Variants in GBF1 observed in about 807,000 individuals in gnomAD.
GBF1 encodes the protein golgi brefeldin A resistant guanine nucleotide exchange factor 1, also known as Golgi-specific brefeldin A-resistance guanine nucleotide exchange factor 1.
In GBF1, 114 loss-of-function variants were observed where a neutral mutation model predicts 210.5. That is an observed-to-expected ratio of 0.54 (90% CI 0.47 to 0.63). The LOEUF (loss-of-function observed/expected upper bound fraction) is 0.63, where lower values mean the gene tolerates loss of function less well. Among genes scored for constraint, GBF1 ranks in the 30% least tolerant of loss-of-function variants. The pLI is 0.00. For synonymous variants in GBF1, 850 were observed against 889.2 expected (o/e 0.96, Z 0.78); for missense variants, 1,851 against 2,357.7 (o/e 0.79, Z 4.45).
rs145564022 is a variant in GBF1 at position 102,368,323 on chromosome 10, G to C, written c.2748G>C (p.Leu916=). 67 of 1,613,780 alleles carry C rather than the reference G, an allele frequency of 4.2e-5. No individual in the cohort carries two copies. The highest frequency in any genetic ancestry group is 5.5e-5 in the Non-Finnish European group (65 of 1,179,730). Residue 916 remains leucine, a synonymous_variant, in exon 22 of 40, where the codon CTG becomes CTC. Transcript: ENST00000369983. Reference sequence around the variant, plus strand: ...GTGCCACCCCTGAGGGCATATTCCTGCGTGTGCCTACTGCCAGCTATGATC... The same window carrying C: ...GTGCCACCCCTGAGGGCATATTCCTCCGTGTGCCTACTGCCAGCTATGATC... ...HRGATPEGIF[L]RVPTASYDLD... is the part of the protein sequence containing the mutation.
chr10:102,374,409 G>T (rs780235687), intron 29 of GBF1, among the ~76,000 whole-genome samples: 10 of 151,990 alleles, frequency 6.6e-5, no homozygotes, highest in Non-Finnish European at 1.0e-4. Context: ...GGAAGGAGGA[G>T]GTGGGTGTGG....
At chr10:102,246,815 A>G (rs1436600613) in intron 1 of GBF1, among the ~76,000 whole-genome samples, 1 of 152,080 alleles carries the variant, frequency 6.6e-6, no homozygotes, top group Admixed American at 6.5e-5. Context: ...TTTTTAATGC[A>G]CAATGTGGAA....
upstream of GBF1, among the ~76,000 whole-genome samples, chr10:102,244,530 A>G (rs563711423): frequency 6.6e-6 from 1 of 152,332 alleles, no homozygotes; most frequent in Admixed American, 6.5e-5. Context: ...GGGGCAAGAC[A>G]GTGAAAACAG....
At chr10:102,326,519 T>C (rs2056914816) in intron 3 of GBF1, among the ~76,000 whole-genome samples, 1 of 151,962 alleles carries the variant, frequency 6.6e-6, no homozygotes, top group Admixed American at 6.6e-5. Flanking sequence ...CTGGCTTTCC[T>C]TTTTTTTCAA....
intron 24 of GBF1, 85 bp downstream of exon 24, chr10:102,369,472 G>C: frequency 8.6e-7 from 1 of 1,156,944 alleles, no homozygotes. Context: ...GTAAGTGGTT[G>C]AGAGTAATGT....
chr10:102,380,981 C>T (rs996503306), intron 38 of GBF1, 146 bp from the exon 39 acceptor site: 3 of 730,078 alleles, frequency 4.1e-6, no homozygotes, highest in South Asian at 1.8e-5. Context: ...AGTGACAGAA[C>T]GAGATTCCAT....
chr10:102,280,475 G>A (rs1385598168), intron 3 of GBF1, among the ~76,000 whole-genome samples: 1 of 152,122 alleles, frequency 6.6e-6, no homozygotes, highest in Admixed American at 6.5e-5. Flanking sequence ...TAGTGGGTTG[G>A]GTAGGAAGAG....
chr10:102,258,364 C>T (rs910930659), intron 1 of GBF1, among the ~76,000 whole-genome samples: 1 of 149,208 alleles, frequency 6.7e-6, no homozygotes, highest in African/African-American at 2.4e-5. Context: ...CCATGTTGGT[C>T]AGGCTGGTCT....
At chr10:102,362,164 C>T (rs2059651585) in intron 14 of GBF1, among the ~76,000 whole-genome samples, 1 of 141,780 alleles carries the variant, frequency 7.1e-6, no homozygotes, top group Non-Finnish European at 1.5e-5. Context: ...TCACACCATT[C>T]TCCTGCCTCA....
At chr10:102,237,419 CT>C in the GBF1 span, among the ~76,000 whole-genome samples, 1 of 152,128 alleles carries the variant, frequency 6.6e-6, no homozygotes, top group African/African-American at 2.4e-5. Flanking sequence ...TAGTCAGAGT[CT>C]CAGTGTAGGC....
the GBF1 span, among the ~76,000 whole-genome samples, chr10:102,235,092 G>A: frequency 9.9e-5 from 15 of 151,956 alleles, no homozygotes; most frequent in African/African-American, 3.4e-4. Context: ...AGACAGACAC[G>A]TACCGTCACA....
chr10:102,382,405 C>A lies in GBF1; in HGVS notation c.*69C>A. 1.4e-6 allele frequency: 2 copies of A among 1,390,314 alleles called. No homozygotes were observed. The highest frequency in any genetic ancestry group is 2.4e-5 in the East Asian group (1 of 42,298). The allele number at this position is 1,390,314 out of a possible 1,614,324, so 86.1% of individuals were successfully genotyped here. ...TTCCTTGACCCCACTTCTGGCTGTC[C>A]TGCGGGCCACAAGCTCTTCAGGCCA... On this transcript the variant is annotated 3_prime_UTR_variant, in exon 40 of 40. Transcript: ENST00000369983.
At chr10:102,270,285 T>C (rs1242189498) in intron 3 of GBF1, among the ~76,000 whole-genome samples, 1 of 151,970 alleles carries the variant, frequency 6.6e-6, no homozygotes, top group African/African-American at 2.4e-5. Flanking sequence ...TTCTCCTGCC[T>C]CAGCCTTCTG....
chr10:102,275,140 C>A (rs1362111251), intron 3 of GBF1, among the ~76,000 whole-genome samples: 1 of 152,034 alleles, frequency 6.6e-6, no homozygotes, highest in Non-Finnish European at 1.5e-5. Flanking sequence ...CAGGCATGAG[C>A]CACTGCGCCC....
upstream of GBF1, among the ~76,000 whole-genome samples, chr10:102,241,975 T>TCGC (rs557538102): frequency 3.3e-5 from 5 of 152,206 alleles, no homozygotes; most frequent in Non-Finnish European, 7.3e-5. This position sits in a 1 kb window ranked among gnomAD's most constrained non-coding sequence, Gnocchi z 6.7. Flanking sequence ...TCTCCACTTG[T>TCGC]CGCTGTCCGT....
chr10:102,297,959 G>A (rs2077040879), intron 3 of GBF1, among the ~76,000 whole-genome samples: 1 of 152,252 alleles, frequency 6.6e-6, no homozygotes, highest in East Asian at 1.9e-4. Context: ...TTTTGAGACA[G>A]AGTCTAGCTC....
chr10:102,340,398 T>C (rs796097769), intron 3 of GBF1, among the ~76,000 whole-genome samples: 3 of 150,792 alleles, frequency 2.0e-5, no homozygotes, highest in Admixed American at 6.6e-5. Flanking sequence ...TCAGCCTTCC[T>C]GAGTAGCTGG....
chr10:102,351,206 T>A, intron 4 of GBF1, 50 bp from the exon 5 acceptor site: 1 of 1,044,524 alleles, frequency 9.6e-7, no homozygotes, highest in South Asian at 1.3e-5. Context: ...CCTTACCTTT[T>A]ATCTCTCTCC....
Position 102,370,253 on chromosome 10 carries a change from A to G in GBF1, c.3411+8A>G. 1 of 1,595,206 alleles carries G rather than the reference A, an allele frequency of 6.3e-7. No homozygotes were observed. The highest frequency in any genetic ancestry group is 8.6e-7 in the Non-Finnish European group (1 of 1,162,766). On this transcript the variant is annotated splice_region_variant and intron_variant, in intron 27 of 39. Coordinates refer to ENST00000369983, the MANE Select transcript of GBF1 (RefSeq NM_001377137.1). ...CTACAGGAGCTCATGAAGGTAAAGG[A>G]TGAAGAAAGGAAACATGGAACAACT...
Sources: allele counts gnomAD v4.1 joint callset (sites outside exome capture counted in the v4.1 genomes callset), GRCh38; gene constraint gnomAD v4.1.1; non-coding constraint Gnocchi (gnomAD v3.1); transcripts MANE v1.5; gene names NCBI Gene and HGNC (gene_info 2026-07-23, HGNC 2026-07-21).